AP1M2: variants seen among roughly 807,000 people sequenced by gnomAD.
AP1M2 encodes the protein AP-1 complex subunit mu-2.
A neutral mutation model predicts 54.6 loss-of-function variants in AP1M2; 41 were observed. The observed-to-expected ratio is 0.75, with a 90% confidence interval of 0.59 to 0.97. The LOEUF is 0.97. Ranked by LOEUF, AP1M2 falls within the 50% of genes least tolerant of loss-of-function variation. The pLI is 0.00. For missense variants in AP1M2, 507 were observed against 561.2 expected (o/e 0.90, Z 0.98); for synonymous variants, 219 against 215.9 (o/e 1.01, Z -0.13).
intron 8 of AP1M2, among the ~76,000 whole-genome samples, chr19:10,578,616 T>G (rs2144760188): frequency 6.6e-6 from 1 of 151,758 alleles, no homozygotes; most frequent in Non-Finnish European, 1.5e-5. Flanking sequence ...CAGGCTAGAG[T>G]CCTTGTCTCA....
rs995938997 is a variant in AP1M2, at chr19:10,587,119, G to A, written c.42+71C>T. The stretch of plus-strand genomic sequence containing the variant: ...CAGACCTCTTCCTGGCCCGCGCGGA[G>A]GGGTCGCCCCTGAATCCCTGGGAGC... On this transcript the variant is annotated intron_variant, in intron 1 of 11. Transcript: ENST00000250244. The A allele has an allele frequency of 7.2e-6, 11 of 1,522,788 alleles. No individual in the cohort carries two copies. The African/African-American group carries it at 9.7e-5, about 13-fold the overall frequency. The allele number at this position is 1,522,788 out of a possible 1,614,324, so 94.3% of individuals were successfully genotyped here.
At chr19:10,582,284 C>T (rs563291718) in intron 3 of AP1M2, among the ~76,000 whole-genome samples, 3 of 150,304 alleles carry the variant, frequency 2.0e-5, no homozygotes, top group South Asian at 2.1e-4. Flanking sequence ...TCTCGTAATC[C>T]GCCCACTTTG....
intron 3 of AP1M2, among the ~76,000 whole-genome samples, chr19:10,582,105 A>C (rs2144766360): frequency 6.6e-6 from 1 of 151,368 alleles, no homozygotes; most frequent in Non-Finnish European, 1.5e-5. Context: ...GTGCAGTGGC[A>C]CTATCTCGGC....
intron 2 of AP1M2, 71 bp downstream of exon 2, chr19:10,583,843 C>G: frequency 6.5e-7 from 1 of 1,533,398 alleles, no homozygotes. Context: ...CCCACCCTCT[C>G]TTGGCCTGAG....
chr19:10,575,126 AT>A (rs1340841299), intron 9 of AP1M2, 97 bp from the exon 10 acceptor site: 1 of 1,269,588 alleles, frequency 7.9e-7, no homozygotes, highest in East Asian at 3.1e-5. Context: ...CTCACAGCCC[AT>A]TTCACAGACA....
intron 5 of AP1M2, 45 bp from the exon 6 acceptor site, chr19:10,581,437 C>T: frequency 6.2e-7 from 1 of 1,610,168 alleles, no homozygotes; most frequent in Non-Finnish European, 8.5e-7. Flanking sequence ...CAAACTCCGT[C>T]TCCTGCAGCC....
In AP1M2 at chr19:10,581,678, C is replaced by T. The variant is rs756967644; in HGVS notation, c.399-44G>A. On this transcript the variant is annotated intron_variant, in intron 4 of 11. Transcript: ENST00000250244. ...GGACAAGCAGCTGGACCCAGGGACA[C>T]CTCCGTGGACCTCCTCCAGTTCCTT... is the stretch of plus-strand genomic sequence containing the variant. 3.7e-6 allele frequency: 6 copies of T among 1,611,790 alleles called. No individual in the cohort carries two copies. In the South Asian group the frequency reaches 6.6e-5, roughly 18 times the overall value.
Position 10,581,247 on chromosome 19 carries a change from A to G in AP1M2, c.673+19T>C. 1.3e-6 allele frequency: 2 copies of G among 1,599,720 alleles called. No homozygotes were observed. The highest frequency in any genetic ancestry group is 2.2e-5 in the East Asian group (1 of 44,474). On this transcript the variant is annotated intron_variant, in intron 6 of 11. Transcript: ENST00000250244. ...CTCCCCTGTGCATTTCTCAGAAGAA[A>G]GGTCCCCTAAATGCTTACGGCCAGT...
At position 10,577,209 on chromosome 19, in the gene AP1M2, T is replaced by C. The variant is rs1374982028; in HGVS notation, c.1036A>G (p.Lys346Glu). 4.3e-6 allele frequency: 7 copies of C among 1,612,296 alleles called. No individual in the cohort carries two copies. Among genetic ancestry groups the C allele is most frequent in the East Asian group, 2.2e-5 (1 of 44,850 alleles). ...TCCCTGGTACTTACCGGGAAAGACT[T>C]AATACTCCAAATCACGACGTTTCTC... ...PERNVVIWSI[K>E]SFPGGKEYLM... Residue 346 changes from lysine (K) to glutamate (E), a missense_variant, in exon 9 of 12, where the codon AAG becomes GAG. Physicochemically the swap from Lys to Glu is moderately conservative, Grantham distance 56. Coordinates refer to ENST00000250244, the MANE Select transcript of AP1M2 (RefSeq NM_005498.5).
chr19:10,583,496 C>A, intron 3 of AP1M2, 110 bp downstream of exon 3: 1 of 827,054 alleles, frequency 1.2e-6, no homozygotes, highest in Non-Finnish European at 1.9e-6. Flanking sequence ...AGGGAAGACC[C>A]AGGGAGATCT....
At chr19:10,585,317 AAGAAAGAAAGAAAG>A (rs1568434847) in intron 1 of AP1M2, among the ~76,000 whole-genome samples, 1 of 143,160 alleles carries the variant, frequency 7.0e-6, no homozygotes, top group Non-Finnish European at 1.6e-5. Context: ...GAAAGAAAGA[AAGAAAGAAAGAAAG>A]AAAGAAAGAA....
intron 3 of AP1M2, 118 bp from the exon 4 acceptor site, chr19:10,581,996 G>C (rs1165051184): frequency 8.4e-7 from 1 of 1,190,586 alleles, no homozygotes; most frequent in Non-Finnish European, 1.1e-6. Context: ...TTAAGGTCAT[G>C]AGTTCAAGAC....
chr19:10,582,233 G>A (rs1301786550), intron 3 of AP1M2, among the ~76,000 whole-genome samples: 2 of 151,846 alleles, frequency 1.3e-5, no homozygotes, highest in African/African-American at 2.4e-5. Context: ...TAGTAGAGAC[G>A]GGGTTTCACA....
At chr19:10,577,107 T>C (rs1431079384) in intron 9 of AP1M2, 91 bp downstream of exon 9, 1 of 1,420,042 alleles carries the variant, frequency 7.0e-7, no homozygotes, top group East Asian at 2.5e-5. Context: ...CTCTGATTTG[T>C]TCTCTGCCTT....
At chr19:10,577,937 T>C (rs1411080495) in intron 8 of AP1M2, among the ~76,000 whole-genome samples, 1 of 152,058 alleles carries the variant, frequency 6.6e-6, no homozygotes, top group Non-Finnish European at 1.5e-5. Context: ...CGTTTCTCCA[T>C]GTTGGTCAGG....
intron 3 of AP1M2, among the ~76,000 whole-genome samples, chr19:10,583,300 A>T (rs369895377): frequency 6.6e-6 from 1 of 151,968 alleles, no homozygotes; most frequent in African/African-American, 2.4e-5. Flanking sequence ...TAAGCAGCTG[A>T]TGAGATGCAG....
In AP1M2 at chr19:10,583,647, T is replaced by C; in HGVS notation, c.226A>G (p.Asn76Asp). Residue 76 changes from asparagine to aspartate, a missense_variant, in exon 3 of 12, where the codon AAT becomes GAT. Transcript: ENST00000250244. ...YLVATTSKNA[N>D]ASLVYSFLYK... ...AGGAAGGAGTACACCAGGGAGGCAT[T>C]GGCATTCTTCGATGTGGTGGCCACC... The C allele has an allele frequency of 6.2e-7, 1 of 1,613,436 alleles. No homozygotes were observed. The highest frequency in any genetic ancestry group is 8.5e-7 in the Non-Finnish European group (1 of 1,179,568).
intron 5 of AP1M2, 46 bp downstream of exon 5, chr19:10,581,441 T>TA: frequency 6.2e-7 from 1 of 1,610,212 alleles, no homozygotes; most frequent in Non-Finnish European, 8.5e-7. Context: ...CTCCGTCTCC[T>TA]GCAGCCAGGC....
intron 7 of AP1M2, 69 bp from the exon 8 acceptor site, chr19:10,579,032 T>C (rs77159834): frequency 1.6e-6 from 2 of 1,281,882 alleles, no homozygotes; most frequent in Non-Finnish European, 2.2e-6. Flanking sequence ...TTTTTTTTTT[T>C]TTCTTTCTTT....
Sources: allele counts gnomAD v4.1 joint callset (sites outside exome capture counted in the v4.1 genomes callset), GRCh38; gene constraint gnomAD v4.1.1; transcripts MANE v1.5; gene names NCBI Gene and HGNC (gene_info 2026-07-23, HGNC 2026-07-21).